The following MTOR variants were observed in gnomAD, a reference collection of about 807,000 sequenced individuals.
MTOR encodes the protein mechanistic target of rapamycin kinase.
Under a neutral mutation model 319.8 loss-of-function variants are expected in MTOR, and 70 were observed. The observed-to-expected ratio is 0.22, with a 90% CI of 0.18 to 0.27. The LOEUF (loss-of-function observed/expected upper bound fraction) is 0.27, where lower values mean the gene tolerates loss of function less well. Among genes scored for constraint, MTOR ranks in the 10% least tolerant of loss-of-function variants. MTOR has a pLI of 1.00. For synonymous variants in MTOR, 1,183 were observed against 1,211.4 expected (o/e 0.98, Z 0.49); for missense variants, 1,890 against 3,274.4 (o/e 0.58, Z 10.32).
At chr1:11,240,785 C>T (rs1468381027) in intron 10 of MTOR, among the ~76,000 whole-genome samples, 6 of 152,184 alleles carry the variant, frequency 3.9e-5, no homozygotes, top group African/African-American at 1.4e-4. Flanking sequence ...TCAGCCACTA[C>T]AGAAGACCAA....
chr1:11,231,626 G>C (rs1186256824), intron 16 of MTOR, among the ~76,000 whole-genome samples, 192 bp from the exon 17 acceptor site: 1 of 152,180 alleles, frequency 6.6e-6, no homozygotes, highest in Non-Finnish European at 1.5e-5. Context: ...ACACAACCCT[G>C]CAACAATCAC....
At chr1:11,161,366 T>C (rs1479323292) in intron 29 of MTOR, among the ~76,000 whole-genome samples, 1 of 152,152 alleles carries the variant, frequency 6.6e-6, no homozygotes, top group East Asian at 1.9e-4. Context: ...GGGCAGGGCA[T>C]AGCTGAACAA....
chr1:11,185,609 A>C (rs1645294491), intron 28 of MTOR, among the ~76,000 whole-genome samples: 1 of 152,084 alleles, frequency 6.6e-6, no homozygotes, highest in Non-Finnish European at 1.5e-5. Context: ...TCACAAAACA[A>C]AACAGAACAA....
intron 29 of MTOR, among the ~76,000 whole-genome samples, chr1:11,164,756 A>T (rs534900255): frequency 3.9e-5 from 6 of 152,226 alleles, no homozygotes; most frequent in Admixed American, 1.3e-4. Flanking sequence ...TTATGAGGCC[A>T]GCATCATCCT....
chr1:11,115,266 T>G lies in MTOR; in HGVS notation c.7089+130A>C. 1 of 857,164 alleles carries G rather than the reference T, an allele frequency of 1.2e-6. No individual in the cohort carries two copies. Among genetic ancestry groups the G allele is most frequent in the Non-Finnish European group, 1.9e-6 (1 of 514,600 alleles). The allele number at this position is 857,164 out of a possible 1,614,324, so 53.1% of individuals were successfully genotyped here. On this transcript the variant is annotated intron_variant, in intron 51 of 57. Transcript: ENST00000361445. This position sits in a 1 kb window ranked among gnomAD's most constrained non-coding sequence, Gnocchi z 4.5. ...ATTTCATTTCTTAGACTGACTTAAC[T>G]ACAGCCTTGGTAGGGCCAGCAGGGG...
Position 11,127,905 on chromosome 1 carries a change from G to T in MTOR, c.6033+99C>A, listed in dbSNP as rs2100410927. On this transcript the variant is annotated intron_variant, in intron 43 of 57. Coordinates refer to ENST00000361445, the MANE Select transcript of MTOR (RefSeq NM_004958.4). This position sits in a 1 kb window ranked among gnomAD's most constrained non-coding sequence, Gnocchi z 5.5. ...GAGGTACTATTTCCAGCAGTCAGAG[G>T]AAGTGCACAGCACCAATGCGAGGAA... is the stretch of plus-strand genomic sequence containing the variant. 1 of 1,582,542 alleles carries T rather than the reference G, an allele frequency of 6.3e-7. No homozygotes were observed. The highest frequency in any genetic ancestry group is 2.2e-5 in the East Asian group (1 of 44,646).
At chr1:11,114,186 G>GTA (rs2100312519) in intron 53 of MTOR, 132 bp downstream of exon 53, 2 of 1,047,072 alleles carry the variant, frequency 1.9e-6, no homozygotes, top group Non-Finnish European at 2.8e-6. Context: ...TGCAGAAAGG[G>GTA]GTCTTACTAT....
intron 28 of MTOR, chr1:11,194,394 AG>A: frequency 6.9e-7 from 1 of 1,452,430 alleles, no homozygotes; most frequent in Non-Finnish European, 9.6e-7. Context: ...TCAGGAGAGA[AG>A]GGGTATAGAG....
At position 11,121,417 on chromosome 1, in the gene MTOR, G is replaced by C; in HGVS notation, c.6811-49C>G. On this transcript the variant is annotated intron_variant, in intron 48 of 57. Coordinates refer to ENST00000361445, the MANE Select transcript of MTOR (RefSeq NM_004958.4). This position sits in a 1 kb window ranked among gnomAD's most constrained non-coding sequence, Gnocchi z 4.9. The stretch of plus-strand genomic sequence containing the variant: ...GTAAGAGAGCAGCCTAAGACATGTA[G>C]TTTGGGTCCAGGAAGAAACAAGGCT... The C allele has an allele frequency of 6.2e-7, 1 of 1,607,528 alleles. No individual in the cohort carries two copies.
rs1413404140 is a variant in MTOR at position 11,228,525 on chromosome 1, CTT to C, written c.3030+141_3030+142del. ...GACACTGGAGTGAGCTGATTGTACACTTTATATGTTGGGAGTTAAGGGGGAGG... is the reference window on the plus strand; with the variant it reads ...GACACTGGAGTGAGCTGATTGTACACTATATGTTGGGAGTTAAGGGGGAGG... On this transcript the variant is annotated intron_variant, in intron 19 of 57. Coordinates refer to ENST00000361445, the MANE Select transcript of MTOR (RefSeq NM_004958.4). 6.1e-6 allele frequency: 7 copies of C among 1,145,460 alleles called. No individual in the cohort carries two copies. The East Asian group carries it at 1.7e-4, about 27-fold the overall frequency. The allele number at this position is 1,145,460 out of a possible 1,614,324, so 71.0% of individuals were successfully genotyped here. A position where few individuals can be genotyped will look rare whatever the true frequency, so the allele number is the denominator to read the frequency against.
chr1:11,171,494 G>A (rs1025290237), intron 28 of MTOR, among the ~76,000 whole-genome samples: 2 of 151,826 alleles, frequency 1.3e-5, no homozygotes, highest in East Asian at 1.9e-4. Flanking sequence ...GATTCATTCC[G>A]AGGAGAAAAC....
At chr1:11,113,012 C>A in intron 53 of MTOR, 95 bp from the exon 54 acceptor site, 1 of 1,334,764 alleles carries the variant, frequency 7.5e-7, no homozygotes, top group South Asian at 1.2e-5. Context: ...TATAATTGTT[C>A]GTAAAGCTAT....
At position 11,238,623 on chromosome 1, in the gene MTOR, T is replaced by C; in HGVS notation, c.1787-6A>G. 8 of 1,603,054 alleles carry C rather than the reference T, an allele frequency of 5.0e-6. No individual in the cohort carries two copies. Among genetic ancestry groups the C allele is most frequent in the Non-Finnish European group, 6.8e-6 (8 of 1,171,510 alleles). Reference sequence around the variant, plus strand: ...AAATTGGGTCAGAGAGTGGCCTGGATAGAAAGGCAGAGAGAAAACAGAATA... The same window carrying C: ...AAATTGGGTCAGAGAGTGGCCTGGACAGAAAGGCAGAGAGAAAACAGAATA... On this transcript the variant is annotated splice_polypyrimidine_tract_variant and splice_region_variant and intron_variant, in intron 11 of 57. Coordinates refer to ENST00000361445, the MANE Select transcript of MTOR (RefSeq NM_004958.4).
At chr1:11,126,519 A>G (rs1417921412) in intron 46 of MTOR, 103 bp downstream of exon 46, 12 of 1,275,750 alleles carry the variant, frequency 9.4e-6, no homozygotes, top group Non-Finnish European at 1.1e-5. Context: ...TAGCTATGAT[A>G]GGTGAGTAGT....
Position 11,129,856 on chromosome 1 carries a change from T to G in MTOR, c.5614-18A>C, listed in dbSNP as rs1265576570. ...GACAGATCCTGTTGGAACACACACG[T>G]GTTAGCGACACTCTTGCCTCTGCTT... On this transcript the variant is annotated intron_variant, in intron 39 of 57. Coordinates refer to ENST00000361445, the MANE Select transcript of MTOR (RefSeq NM_004958.4). This position sits in a 1 kb window ranked among gnomAD's most constrained non-coding sequence, Gnocchi z 4.7. 6.2e-7 allele frequency: 1 copy of G among 1,607,366 alleles called. No homozygotes were observed.
At chr1:11,198,732 C>G (rs936192844) in intron 28 of MTOR, among the ~76,000 whole-genome samples, 1 of 152,182 alleles carries the variant, frequency 6.6e-6, no homozygotes, top group Non-Finnish European at 1.5e-5. Context: ...AGACTGAAAA[C>G]TGTCTTAACA....
chr1:11,261,375 G>A (rs1221065835), intron 1 of MTOR, among the ~76,000 whole-genome samples: 1 of 151,772 alleles, frequency 6.6e-6, no homozygotes, highest in Admixed American at 6.6e-5. Context: ...GGGAGGCTGA[G>A]GCAGGAGAAT....
chr1:11,231,467 C>T (rs776746542), intron 16 of MTOR, 33 bp from the exon 17 acceptor site: 3 of 1,611,114 alleles, frequency 1.9e-6, no homozygotes, highest in Non-Finnish European at 2.5e-6. Context: ...TTCAATGAGC[C>T]AGTACGAGAG....
At position 11,120,125 on chromosome 1, in the gene MTOR, C is replaced by T. The variant is rs1006847883; in HGVS notation, c.6933+1121G>A. On this transcript the variant is annotated intron_variant, in intron 49 of 57. Transcript: ENST00000361445. ...CAAGGTCTCGCTCTGTCACCCAGGA[C>T]GGAGTGCAGTGGCATGGTATGGCTC... 6.6e-5 allele frequency among the ~76,000 whole-genome samples: 10 copies of T among 151,514 alleles called. No homozygotes were observed. The South Asian group carries it at 1.3e-3, about 19-fold the overall frequency.
Sources: gnomAD v4.1 joint callset for allele counts (sites outside exome capture counted in the v4.1 genomes callset) on GRCh38, gnomAD v4.1.1 for gene constraint, Gnocchi (gnomAD v3.1) non-coding constraint, MANE v1.5 for transcripts, NCBI Gene and HGNC (gene_info 2026-07-23, HGNC 2026-07-21) for gene names.